DAB1: variants seen among roughly 807,000 people sequenced by gnomAD.
DAB1 encodes disabled homolog 1.
In DAB1, 15 loss-of-function variants were observed where a neutral mutation model predicts 64.6. That is an observed-to-expected ratio of 0.23 (90% CI 0.16 to 0.36). The LOEUF (loss-of-function observed/expected upper bound fraction) is 0.36, where lower values mean the gene tolerates loss of function less well. DAB1 is among the 10% of genes least tolerant of loss of function. The probability of loss-of-function intolerance (pLI) is 1.00; values close to 1 mark genes in which losing one functional copy is unlikely to be tolerated. For synonymous variants in DAB1, 235 were observed against 251.9 expected, an observed-to-expected ratio of 0.93 and a Z score of 0.64; for missense variants, 596 against 706.7, an observed-to-expected ratio of 0.84 and a Z score of 1.78.
chr1:57,092,165 C>G (rs1406606563), intron 4 of DAB1, among the ~76,000 whole-genome samples: 1 of 152,226 alleles, frequency 6.6e-6, no homozygotes, highest in Non-Finnish European at 1.5e-5. Flanking sequence ...TTGGTTCTCA[C>G]CATTGTATAT....
chr1:58,037,964 C>T (rs1411858114), intron 5 of DAB1, among the ~76,000 whole-genome samples: 1 of 152,160 alleles, frequency 6.6e-6, no homozygotes, highest in Non-Finnish European at 1.5e-5. Flanking sequence ...TGTTGATCTA[C>T]TCACTAATTC....
intron 2 of DAB1, among the ~76,000 whole-genome samples, chr1:57,241,056 G>A (rs1391307899): frequency 6.6e-6 from 1 of 152,206 alleles, no homozygotes; most frequent in Non-Finnish European, 1.5e-5. Context: ...GATATGCTAA[G>A]AATGAAAACT....
intron 4 of DAB1, among the ~76,000 whole-genome samples, chr1:58,202,589 T>C: frequency 6.6e-6 from 1 of 152,260 alleles, no homozygotes; most frequent in Non-Finnish European, 1.5e-5. Flanking sequence ...TTAATACCTG[T>C]CAATTTCTGT....
intron 4 of DAB1, among the ~76,000 whole-genome samples, chr1:58,244,456 T>A (rs570127733): frequency 1.3e-5 from 2 of 152,318 alleles, no homozygotes; most frequent in East Asian, 3.9e-4. Flanking sequence ...ATATTTAAAG[T>A]GTTTAGAGCA....
chr1:58,259,542 C>A (rs1020813815), intron 4 of DAB1, among the ~76,000 whole-genome samples: 6 of 152,212 alleles, frequency 3.9e-5, no homozygotes, highest in African/African-American at 1.4e-4. Flanking sequence ...GCCTCCAAAT[C>A]TAACATCCCC....
At chr1:58,385,256 A>G (rs367945134) in intron 3 of DAB1, among the ~76,000 whole-genome samples, 3 of 152,298 alleles carry the variant, frequency 2.0e-5, no homozygotes, top group East Asian at 3.9e-4. Context: ...TATACCCATT[A>G]TGCCTCAACA....
At chr1:58,383,868 C>T (rs183722422) in intron 3 of DAB1, among the ~76,000 whole-genome samples, 7 of 152,260 alleles carry the variant, frequency 4.6e-5, no homozygotes, top group Admixed American at 2.0e-4. Flanking sequence ...CTTTGAGATC[C>T]TGACATCAAT....
At chr1:57,802,642 T>C (rs558907162) in intron 6 of DAB1, among the ~76,000 whole-genome samples, 2 of 152,250 alleles carry the variant, frequency 1.3e-5, no homozygotes, top group South Asian at 4.1e-4. Context: ...GATGTTCTCA[T>C]GAGAGTGAGT....
At position 57,951,317 on chromosome 1, in the gene DAB1, C is replaced by CATATATATATATAT. The variant is rs150140800; in HGVS notation, n.388-67169_388-67156dup. On this transcript the variant is annotated intron_variant and non_coding_transcript_variant, in intron 5 of 20. Coordinates refer to the DAB1 transcript ENST00000485760. ...CAGATCCGGGAAGAGGAGCCTGATT[C>CATATATATATATAT]ATATATATATATATACTTCCCTGGA... Among the ~76,000 whole-genome samples, 13 of 69,878 alleles carry CATATATATATATAT rather than the reference C, an allele frequency of 1.9e-4. 2 individuals are homozygous for CATATATATATATAT. Among genetic ancestry groups the CATATATATATATAT allele is most frequent in the South Asian group, 7.0e-4 (2 of 2,856 alleles). 45.8% of individuals were successfully genotyped at this position (69,878 alleles called of 152,430 possible). A position where few individuals can be genotyped will look rare whatever the true frequency, so the allele number is the denominator to read the frequency against.
intron 3 of DAB1, among the ~76,000 whole-genome samples, chr1:58,345,725 G>A (rs762279656): frequency 1.3e-4 from 20 of 151,800 alleles, no homozygotes; most frequent in African/African-American, 3.6e-4. Context: ...AGCTTCCCTC[G>A]TGCCTAAGAG....
At position 57,602,690 on chromosome 1, in the gene DAB1, C is replaced by A. The variant is rs545945210; in HGVS notation, n.625+46902G>T. On this transcript the variant is annotated intron_variant and non_coding_transcript_variant, in intron 7 of 20. Coordinates refer to the DAB1 transcript ENST00000485760. ...TGAAAGCTAGGACAGATTAAGGTAC[C>A]TAAGAGGCAAGAACTGATAGACCAA... 8.5e-5 allele frequency among the ~76,000 whole-genome samples: 13 copies of A among 152,260 alleles called. No individual in the cohort carries two copies. The South Asian group carries it at 2.7e-3, about 32-fold the overall frequency.
At chr1:57,216,706 A>G (rs1353695351) in intron 2 of DAB1, among the ~76,000 whole-genome samples, 2 of 152,228 alleles carry the variant, frequency 1.3e-5, no homozygotes, top group East Asian at 3.8e-4. Context: ...TTTTATTTAT[A>G]TGCCACTTTG....
chr1:58,028,668 C>T (rs1260253500), intron 5 of DAB1, among the ~76,000 whole-genome samples: 1 of 152,168 alleles, frequency 6.6e-6, no homozygotes, highest in Non-Finnish European at 1.5e-5. Context: ...AAAGTTTTTG[C>T]CATTTTGTGT....
At chr1:58,525,810 A>G (rs1646339848) in intron 2 of DAB1, among the ~76,000 whole-genome samples, 1 of 152,160 alleles carries the variant, frequency 6.6e-6, no homozygotes, top group Non-Finnish European at 1.5e-5. Flanking sequence ...TCAGGTATCA[A>G]CACTTACTAC....
At chr1:57,742,057 G>T (rs1477079478) in intron 6 of DAB1, among the ~76,000 whole-genome samples, 2 of 152,062 alleles carry the variant, frequency 1.3e-5, no homozygotes, top group African/African-American at 4.8e-5. Context: ...TAAAAAGTAG[G>T]GTAATAAAAT....
Position 57,269,785 on chromosome 1 carries a change from G to T in DAB1, c.67+21179C>A, listed in dbSNP as rs895747330. ...TCATGTTAGGGAGTGACTGGCAGGT[G>T]GGGGAGAGGAAGGTTGGAGAGGGAC... On this transcript the variant is annotated intron_variant, in intron 2 of 14. Coordinates refer to ENST00000371236, the MANE Select transcript of DAB1 (RefSeq NM_001365792.1). Among the ~76,000 whole-genome samples the T allele has an allele frequency of 9.2e-5, 14 of 152,204 alleles. No individual in the cohort carries two copies. In the South Asian group the frequency reaches 2.5e-3, roughly 27 times the overall value.
intron 6 of DAB1, among the ~76,000 whole-genome samples, chr1:57,750,773 C>T (rs565087834): frequency 1.1e-3 from 163 of 152,216 alleles, no homozygotes; most frequent in African/African-American, 1.9e-3. Flanking sequence ...CTCTCTTACC[C>T]GCTGTGAGAG....
chr1:57,168,589 C>G (rs498065), intron 2 of DAB1, among the ~76,000 whole-genome samples: 3 of 152,112 alleles, frequency 2.0e-5, no homozygotes, highest in Admixed American at 6.6e-5. Context: ...CTTCCCTTTC[C>G]CTGGTCTTGA....
chr1:57,698,135 G>A (rs532881818), intron 6 of DAB1, among the ~76,000 whole-genome samples: 3 of 150,328 alleles, frequency 2.0e-5, no homozygotes, highest in East Asian at 2.0e-4. Flanking sequence ...ACCCAGCCTC[G>A]AATGACAGTG....
Sources: gnomAD v4.1 joint callset for allele counts (sites outside exome capture counted in the v4.1 genomes callset) on GRCh38, gnomAD v4.1.1 for gene constraint, MANE v1.5 for transcripts, NCBI Gene and HGNC (gene_info 2026-07-23, HGNC 2026-07-21) for gene names.